The following PCSK2 variants were observed in gnomAD, a reference collection of about 807,000 sequenced individuals.
PCSK2 encodes the protein proprotein convertase subtilisin/kexin type 2.
PCSK2 carries 14 observed loss-of-function variants against 69.7 expected under a neutral mutation model. The ratio of observed to expected loss-of-function variants is 0.20; its 90% CI spans 0.13 to 0.31. The LOEUF (loss-of-function observed/expected upper bound fraction) is 0.31, where lower values mean the gene tolerates loss of function less well. Ranked by LOEUF, PCSK2 falls within the 10% of genes least tolerant of loss-of-function variation. The probability of loss-of-function intolerance (pLI) is 1.00; values close to 1 mark genes in which losing one functional copy is unlikely to be tolerated. For synonymous variants in PCSK2, 307 were observed against 320.7 expected (o/e 0.96, Z 0.46); for missense variants, 544 against 842.5 (o/e 0.65, Z 4.39).
intron 1 of PCSK2, among the ~76,000 whole-genome samples, chr20:17,243,104 C>G (rs1382944014): frequency 6.6e-6 from 1 of 152,114 alleles, no homozygotes; most frequent in Admixed American, 6.5e-5. Flanking sequence ...CCCAGCCATG[C>G]CCGTCCTGAA....
chr20:17,466,251 C>T (rs1441743899), intron 11 of PCSK2, among the ~76,000 whole-genome samples: 2 of 152,206 alleles, frequency 1.3e-5, no homozygotes, highest in African/African-American at 4.8e-5. Flanking sequence ...AACTCCATAG[C>T]TTAACTTGCC....
At chr20:17,273,233 T>C (rs998331707) in intron 2 of PCSK2, among the ~76,000 whole-genome samples, 2 of 152,110 alleles carry the variant, frequency 1.3e-5, no homozygotes, top group African/African-American at 4.8e-5. Flanking sequence ...ATATTAACTA[T>C]CATTGAACTT....
At chr20:17,265,055 G>A (rs896727877) in intron 2 of PCSK2, among the ~76,000 whole-genome samples, 1 of 152,208 alleles carries the variant, frequency 6.6e-6, no homozygotes, top group Non-Finnish European at 1.5e-5. Context: ...GTAGAGATAC[G>A]GTTTCACCAT....
At chr20:17,409,223 C>A (rs1568637130) in intron 5 of PCSK2, 40 bp from the exon 6 acceptor site, 2 of 1,523,154 alleles carry the variant, frequency 1.3e-6, no homozygotes, top group Non-Finnish European at 1.8e-6. Flanking sequence ...TACTGCGCCT[C>A]TGGCTGTACG....
intron 1 of PCSK2, among the ~76,000 whole-genome samples, chr20:17,232,947 T>G (rs368394509): frequency 6.6e-6 from 1 of 152,328 alleles, no homozygotes; most frequent in South Asian, 2.1e-4. Context: ...TAGACATGGC[T>G]GCCATTCATG....
intron 1 of PCSK2, among the ~76,000 whole-genome samples, chr20:17,259,366 A>C (rs1317689879): frequency 1.3e-5 from 2 of 152,222 alleles, no homozygotes; most frequent in Non-Finnish European, 2.9e-5. Flanking sequence ...CATCAATGTG[A>C]AGACGTGGAG....
intron 11 of PCSK2, among the ~76,000 whole-genome samples, chr20:17,471,530 A>G (rs2033200898): frequency 6.6e-6 from 1 of 152,226 alleles, no homozygotes; most frequent in Non-Finnish European, 1.5e-5. Context: ...TGAGGGAATG[A>G]AAATATTCAG....
At chr20:17,320,111 T>C (rs1989818571) in intron 2 of PCSK2, among the ~76,000 whole-genome samples, 1 of 152,166 alleles carries the variant, frequency 6.6e-6, no homozygotes. Context: ...CAAGGTGTTA[T>C]GTTTTTCTTA....
intron 7 of PCSK2, among the ~76,000 whole-genome samples, chr20:17,432,695 A>C (rs8115774): frequency 1.4e-4 from 21 of 152,154 alleles, no homozygotes; most frequent in African/African-American, 5.1e-4. Context: ...ATGACCTTCC[A>C]AATGATGGTT....
At chr20:17,359,676 T>C (rs983416) in intron 3 of PCSK2, among the ~76,000 whole-genome samples, 111,333 of 152,152 alleles carry the variant, frequency 0.73, 41,113 homozygotes, top group African/African-American at 0.81. Flanking sequence ...TAACATGTCT[T>C]TAGAAGAAAG....
At chr20:17,330,529 T>C (rs1990181901) in intron 2 of PCSK2, among the ~76,000 whole-genome samples, 1 of 151,932 alleles carries the variant, frequency 6.6e-6, no homozygotes, top group African/African-American at 2.4e-5. Context: ...GGGAGGCAGA[T>C]GTTGCAGAAT....
rs559195083 is a variant in PCSK2 at position 17,460,188 on chromosome 20, A to G, written c.1202+3740A>G. Among the ~76,000 whole-genome samples, 350 of 152,286 alleles carry G rather than the reference A, an allele frequency of 2.3e-3. 1 individual carries two copies. Among genetic ancestry groups the G allele is most frequent in the South Asian group, 5.4e-3 (26 of 4,816 alleles). On this transcript the variant is annotated intron_variant, in intron 10 of 11. Coordinates refer to ENST00000262545, the MANE Select transcript of PCSK2 (RefSeq NM_002594.5). ...TGTTTACATTTCAGGCAGGAAAAGG[A>G]GAAGCACAAAGGGCAAAAAAATAAA... is the stretch of plus-strand genomic sequence containing the variant.
intron 11 of PCSK2, among the ~76,000 whole-genome samples, chr20:17,472,460 C>T (rs1453728998): frequency 6.6e-6 from 1 of 152,214 alleles, no homozygotes; most frequent in Non-Finnish European, 1.5e-5. Context: ...CCACCTGCTG[C>T]GTGTCGTCAT....
intron 2 of PCSK2, among the ~76,000 whole-genome samples, chr20:17,268,382 G>A (rs749786326): frequency 6.6e-5 from 10 of 152,132 alleles, no homozygotes; most frequent in Non-Finnish European, 1.3e-4. Flanking sequence ...TGGGAAGAGG[G>A]AGAGCCATAG....
intron 2 of PCSK2, among the ~76,000 whole-genome samples, chr20:17,319,879 G>A (rs1037227693): frequency 5.9e-5 from 9 of 152,212 alleles, no homozygotes; most frequent in African/African-American, 2.2e-4. Context: ...TGGGCCCAAA[G>A]TCACATGACT....
chr20:17,238,716 T>A (rs1404269898), intron 1 of PCSK2, among the ~76,000 whole-genome samples: 1 of 152,202 alleles, frequency 6.6e-6, no homozygotes, highest in African/African-American at 2.4e-5. Context: ...CCTCCTGATG[T>A]GCTTTTTTGG....
intron 5 of PCSK2, among the ~76,000 whole-genome samples, chr20:17,379,758 A>AT (rs1568625681): frequency 1.3e-5 from 2 of 152,146 alleles, no homozygotes; most frequent in East Asian, 3.9e-4. Context: ...AGAGTTAGAG[A>AT]TTTTTTTCAG....
intron 11 of PCSK2, among the ~76,000 whole-genome samples, chr20:17,467,876 C>G (rs1407315453): frequency 6.6e-6 from 1 of 152,190 alleles, no homozygotes; most frequent in Non-Finnish European, 1.5e-5. Flanking sequence ...TAGCTTACAC[C>G]TGTAGAATCA....
intron 11 of PCSK2, among the ~76,000 whole-genome samples, chr20:17,474,662 A>G (rs1319497447): frequency 2.0e-5 from 3 of 152,188 alleles, no homozygotes; most frequent in Non-Finnish European, 2.9e-5. Flanking sequence ...GACAGCCACC[A>G]TAGAAGATTC....
Sources: allele counts gnomAD v4.1 joint callset (sites outside exome capture counted in the v4.1 genomes callset), GRCh38; gene constraint gnomAD v4.1.1; transcripts MANE v1.5; gene names NCBI Gene and HGNC (gene_info 2026-07-23, HGNC 2026-07-21).